DIXDC1: variants seen among roughly 807,000 people sequenced by gnomAD.
DIXDC1 encodes DIX domain containing 1.
DIXDC1 carries 64 observed loss-of-function variants against 103.1 expected under a neutral mutation model. The observed-to-expected ratio is 0.62, with a 90% CI of 0.51 to 0.76. The LOEUF (loss-of-function observed/expected upper bound fraction) is 0.76. Among genes scored for constraint, DIXDC1 ranks in the 30% least tolerant of loss-of-function variants. DIXDC1 has a pLI of 0.00. For synonymous variants in DIXDC1, 266 were observed against 298.5 expected (o/e 0.89, Z 1.12); for missense variants, 759 against 834.2 (o/e 0.91, Z 1.11).
chr11:111,935,944 T>G (rs1171837093), upstream of DIXDC1, among the ~76,000 whole-genome samples: 1 of 152,240 alleles, frequency 6.6e-6, no homozygotes, highest in Non-Finnish European at 1.5e-5. Context: ...CATCTTTGTG[T>G]TTAGCAGCTT....
At chr11:111,968,868 T>C (rs1204627750) in intron 3 of DIXDC1, among the ~76,000 whole-genome samples, 1 of 152,066 alleles carries the variant, frequency 6.6e-6, no homozygotes, top group Non-Finnish European at 1.5e-5. Context: ...TTTGCCTCCC[T>C]GGTTCAAGTG....
intron 11 of DIXDC1, 122 bp downstream of exon 11, chr11:111,992,641 G>A: frequency 1.2e-6 from 1 of 847,510 alleles, no homozygotes; most frequent in African/African-American, 1.7e-5. Context: ...CCTGCCTTAA[G>A]TGTCTGCAGT....
intron 1 of DIXDC1, among the ~76,000 whole-genome samples, chr11:111,957,621 A>G (rs1002672757): frequency 5.9e-5 from 9 of 152,244 alleles, no homozygotes; most frequent in African/African-American, 2.2e-4. Flanking sequence ...ACTTCAGATA[A>G]ACCCAAATTG....
At chr11:111,997,350 C>T (rs1221526053) in intron 17 of DIXDC1, among the ~76,000 whole-genome samples, 9 of 151,058 alleles carry the variant, frequency 6.0e-5, no homozygotes, top group Non-Finnish European at 1.0e-4. Flanking sequence ...TTTTTAGCGG[C>T]GGGGGATGGA....
At chr11:111,954,734 G>A (rs1452672703) in intron 1 of DIXDC1, among the ~76,000 whole-genome samples, 2 of 152,104 alleles carry the variant, frequency 1.3e-5, no homozygotes, top group Admixed American at 6.5e-5. Flanking sequence ...GATTTTATGT[G>A]TATTCAGGGA....
chr11:111,937,139 G>GGGGC (rs1966225201), upstream of DIXDC1: 176 of 745,782 alleles, frequency 2.4e-4, 1 homozygote, highest in Non-Finnish European at 2.8e-4. Context: ...GGCGGGGGGG[G>GGGGC]GGTGTGCGCG....
At chr11:112,016,526 G>C (rs998016555) in intron 17 of DIXDC1, among the ~76,000 whole-genome samples, 165 bp from the exon 18 acceptor site, 1 of 152,122 alleles carries the variant, frequency 6.6e-6, no homozygotes, top group Non-Finnish European at 1.5e-5. Flanking sequence ...TCTTGTCCTC[G>C]TGGTCCTAGG....
intron 1 of DIXDC1, among the ~76,000 whole-genome samples, chr11:111,954,017 GGTTTCATGGAAGACA>G (rs1184699070): frequency 2.0e-5 from 3 of 152,084 alleles, no homozygotes; most frequent in Non-Finnish European, 4.4e-5. Flanking sequence ...ACCAGGGACC[GGTTTCATGGAAGACA>G]GTTTTTCCAT....
intron 17 of DIXDC1, among the ~76,000 whole-genome samples, chr11:112,003,422 G>A (rs185720221): frequency 3.7e-4 from 56 of 152,182 alleles, no homozygotes; most frequent in African/African-American, 1.3e-3. Context: ...ACTCCAGCCT[G>A]GGAGACAGAG....
chr11:112,014,698 T>C (rs1861533018), intron 17 of DIXDC1, among the ~76,000 whole-genome samples: 1 of 152,224 alleles, frequency 6.6e-6, no homozygotes, highest in Non-Finnish European at 1.5e-5. Context: ...ACATATAGTT[T>C]ATTTTTATAT....
intron 17 of DIXDC1, among the ~76,000 whole-genome samples, chr11:112,008,659 A>G (rs1288408436): frequency 1.3e-5 from 2 of 152,234 alleles, no homozygotes; most frequent in Non-Finnish European, 2.9e-5. Flanking sequence ...AACTCACTCA[A>G]AACTGCACAA....
intron 17 of DIXDC1, among the ~76,000 whole-genome samples, chr11:112,002,363 T>C (rs1247343738): frequency 6.6e-6 from 1 of 152,114 alleles, no homozygotes; most frequent in Non-Finnish European, 1.5e-5. Context: ...GAAAACAATG[T>C]GGACATTCCT....
At chr11:111,961,127 T>G (rs1470931290) in intron 1 of DIXDC1, among the ~76,000 whole-genome samples, 3 of 151,888 alleles carry the variant, frequency 2.0e-5, no homozygotes, top group Non-Finnish European at 2.9e-5. Context: ...AGCCCAGGAG[T>G]TTGCAGGAGG....
Position 112,021,110 on chromosome 11 carries a change from C to G in DIXDC1, c.*2074C>G, listed in dbSNP as rs1207173125. ...TGTCAGTTTTCTCTCAGCAAACAGT[C>G]TTACTATTATGTGGAATTTAACTTT... is the stretch of plus-strand genomic sequence containing the variant. On this transcript the variant is annotated 3_prime_UTR_variant, in exon 20 of 20. Transcript: ENST00000440460. The G allele has an allele frequency of 6.6e-6, 1 of 152,150 alleles. No homozygotes were observed. The highest frequency in any genetic ancestry group is 1.5e-5 in the Non-Finnish European group (1 of 68,030). The allele number at this position is 152,150 out of a possible 1,614,324, so 9.4% of individuals were successfully genotyped here. A position where few individuals can be genotyped will look rare whatever the true frequency, so the allele number is the denominator to read the frequency against.
At chr11:111,961,941 ACC>A (rs2137502400) in intron 1 of DIXDC1, among the ~76,000 whole-genome samples, 2 of 152,068 alleles carry the variant, frequency 1.3e-5, no homozygotes, top group South Asian at 4.2e-4. Context: ...CCTTCAGGAG[ACC>A]CTCTGAAGCT....
chr11:111,930,127 G>C (rs1965964700), intron 2 of DIXDC1, among the ~76,000 whole-genome samples: 1 of 152,042 alleles, frequency 6.6e-6, no homozygotes, highest in Non-Finnish European at 1.5e-5. Flanking sequence ...TAAGGCAGAG[G>C]TTGAGAAATT....
intron 17 of DIXDC1, among the ~76,000 whole-genome samples, chr11:112,016,374 C>G (rs924228902): frequency 1.3e-5 from 2 of 152,174 alleles, no homozygotes; most frequent in Admixed American, 1.3e-4. Context: ...TGCTGTGTGT[C>G]TACCCTGCCT....
chr11:111,939,775 A>G (rs2137440345), intron 1 of DIXDC1, among the ~76,000 whole-genome samples: 1 of 152,260 alleles, frequency 6.6e-6, no homozygotes, highest in South Asian at 2.1e-4. Context: ...ATGGGGCCCT[A>G]TTTGACCTAT....
chr11:111,984,562 T>A (rs112682241), intron 7 of DIXDC1, among the ~76,000 whole-genome samples: 1,996 of 152,070 alleles, frequency 0.013, 44 homozygotes, highest in African/African-American at 0.046. Context: ...ATAACAATAA[T>A]AATTAGGTAT....
Sources: gnomAD v4.1 joint callset for allele counts (sites outside exome capture counted in the v4.1 genomes callset) on GRCh38, gnomAD v4.1.1 for gene constraint, MANE v1.5 for transcripts, NCBI Gene and HGNC (gene_info 2026-07-23, HGNC 2026-07-21) for gene names.